Variants in FRMD5 observed in about 807,000 individuals in gnomAD.
The protein encoded by FRMD5 is FERM domain-containing protein 5.
FRMD5 carries 20 observed loss-of-function variants against 69.0 expected under a neutral mutation model. The ratio of observed to expected loss-of-function variants is 0.29; its 90% CI spans 0.20 to 0.42. The LOEUF (loss-of-function observed/expected upper bound fraction) is 0.42. Among genes scored for constraint, FRMD5 ranks in the 10% least tolerant of loss-of-function variants. The pLI is 1.00. For missense variants in FRMD5, 595 were observed against 708.6 expected (o/e 0.84, Z 1.82); for synonymous variants, 271 against 260.1 (o/e 1.04, Z -0.40).
chr15:43,992,470 TG>T (rs1889731051), intron 1 of FRMD5, among the ~76,000 whole-genome samples: 1 of 151,860 alleles, frequency 6.6e-6, no homozygotes. Context: ...CCTCTGCCTC[TG>T]GGTTCAAACA....
rs1218638710 is a variant in FRMD5 at position 43,931,574 on chromosome 15, A to C, written c.103-7265T>G. Among the ~76,000 whole-genome samples, 4 of 151,452 alleles carry C rather than the reference A, an allele frequency of 2.6e-5. No homozygotes were observed. The East Asian group carries it at 7.8e-4, about 29-fold the overall frequency. On this transcript the variant is annotated intron_variant, in intron 1 of 13. Coordinates refer to ENST00000417257, the MANE Select transcript of FRMD5 (RefSeq NM_032892.5). Reference sequence around the variant, plus strand: ...TAAGGACAGTTTGACAACTCATTTTATTGCTGCTTTTTTCTTTTTTTTTTT... The same window carrying C: ...TAAGGACAGTTTGACAACTCATTTTCTTGCTGCTTTTTTCTTTTTTTTTTT...
intron 1 of FRMD5, chr15:43,989,866 G>C: frequency 9.6e-7 from 1 of 1,036,920 alleles, no homozygotes; most frequent in Non-Finnish European, 1.5e-6. Flanking sequence ...GGGGACCTTG[G>C]TCAGCAGCAT....
At chr15:44,127,091 A>C (rs1431980355) in intron 1 of FRMD5, among the ~76,000 whole-genome samples, 1 of 152,172 alleles carries the variant, frequency 6.6e-6, no homozygotes, top group Non-Finnish European at 1.5e-5. Flanking sequence ...CATTTAATAA[A>C]CGTTCTTTTG....
intron 1 of FRMD5, among the ~76,000 whole-genome samples, chr15:43,993,105 G>A (rs911372269): frequency 7.2e-5 from 11 of 151,910 alleles, no homozygotes; most frequent in Admixed American, 2.6e-4. Context: ...TACTTTGGTG[G>A]GCAGAAAAGA....
rs1269561465 is a variant in FRMD5, at chr15:44,141,944, A to C, written c.102+53009T>G. On this transcript the variant is annotated intron_variant, in intron 1 of 13. Coordinates refer to ENST00000417257, the MANE Select transcript of FRMD5 (RefSeq NM_032892.5). ...GGTTTTTTTGTCTTCTCCAAGTGTA[A>C]GGCCTTATTCTTACATCTACTCATT... Among the ~76,000 whole-genome samples the C allele has an allele frequency of 3.3e-5, 5 of 152,242 alleles. No homozygotes were observed. In the East Asian group the frequency reaches 9.7e-4, roughly 29 times the overall value.
intron 1 of FRMD5, among the ~76,000 whole-genome samples, chr15:44,191,131 A>C (rs2078185317): frequency 6.6e-6 from 1 of 152,214 alleles, no homozygotes; most frequent in African/African-American, 2.4e-5. Flanking sequence ...TCTCTCAGTA[A>C]AATCAAATTC....
chr15:43,873,360 TAAAC>T lies in FRMD5; in HGVS notation c.*521_*524del. Reference sequence around the variant, plus strand: ...CTGGCAAAAAAAACAAACAAAAAACTAAACAGTCCCCATTGTCCAGATCCCTGGC... The same window carrying T: ...CTGGCAAAAAAAACAAACAAAAAACTAGTCCCCATTGTCCAGATCCCTGGC... On this transcript the variant is annotated 3_prime_UTR_variant, in exon 14 of 14. Coordinates refer to ENST00000417257, the MANE Select transcript of FRMD5 (RefSeq NM_032892.5). 1 of 1,468,598 alleles carries T rather than the reference TAAAC, an allele frequency of 6.8e-7. No homozygotes were observed. The highest frequency in any genetic ancestry group is 8.9e-7 in the Non-Finnish European group (1 of 1,117,696). 91.0% of individuals were successfully genotyped at this position (1,468,598 alleles called of 1,614,324 possible).
intron 1 of FRMD5, among the ~76,000 whole-genome samples, chr15:44,074,254 T>C (rs994037750): frequency 6.6e-6 from 1 of 152,218 alleles, no homozygotes; most frequent in Non-Finnish European, 1.5e-5. Context: ...TATTTTTATT[T>C]CAAAAAGCTT....
At chr15:44,089,098 GA>G (rs1468036213) in intron 1 of FRMD5, among the ~76,000 whole-genome samples, 1 of 152,194 alleles carries the variant, frequency 6.6e-6, no homozygotes, top group African/African-American at 2.4e-5. Context: ...TTGGCCAGCA[GA>G]CTGATATAAT....
chr15:43,882,366 C>T (rs200075134), intron 13 of FRMD5, among the ~76,000 whole-genome samples: 2 of 148,910 alleles, frequency 1.3e-5, no homozygotes, highest in Non-Finnish European at 3.0e-5. Context: ...AAATTTCTTT[C>T]TTTTTTTTTT....
At chr15:44,062,835 T>C (rs1893149392) in intron 1 of FRMD5, among the ~76,000 whole-genome samples, 1 of 152,124 alleles carries the variant, frequency 6.6e-6, no homozygotes, top group South Asian at 2.1e-4. Context: ...ATTTTTTTTG[T>C]ATAAGGAGTA....
At chr15:43,944,990 A>G (rs2089922069) in intron 1 of FRMD5, among the ~76,000 whole-genome samples, 2 of 142,040 alleles carry the variant, frequency 1.4e-5, no homozygotes, top group Admixed American at 1.4e-4. Flanking sequence ...GGGTTTCACC[A>G]TGCTGCCCAG....
chr15:43,907,648 C>A (rs1215591278), intron 5 of FRMD5, among the ~76,000 whole-genome samples: 2 of 151,990 alleles, frequency 1.3e-5, no homozygotes, highest in Non-Finnish European at 2.9e-5. Flanking sequence ...GCTGGGACTA[C>A]AGGCATGTGC....
chr15:43,874,855 G>A (rs557994463), intron 13 of FRMD5, among the ~76,000 whole-genome samples: 7 of 152,104 alleles, frequency 4.6e-5, no homozygotes, highest in Non-Finnish European at 8.8e-5. Flanking sequence ...AGCTGAGATC[G>A]CACTATTACA....
chr15:43,874,385 C>A lies in FRMD5; in HGVS notation c.1213G>T (p.Val405Leu). The A allele has an allele frequency of 6.2e-7, 1 of 1,614,204 alleles. No homozygotes were observed. Among genetic ancestry groups the A allele is most frequent in the Non-Finnish European group, 8.5e-7 (1 of 1,180,038 alleles). Residue 405 changes from valine to leucine, a missense_variant, in exon 14 of 14, where the codon GTG becomes TTG. By Grantham distance (32) the Val-to-Leu change is conservative. Transcript: ENST00000417257. ...TTGCTATCTGTCCGGCTGCTTCTCACGTGAGGCAGGAAGGTGTCCCCATGG... is the reference window on the plus strand; with the variant it reads ...TTGCTATCTGTCCGGCTGCTTCTCAAGTGAGGCAGGAAGGTGTCCCCATGG... ...TSHGDTFLPHVRSSRTDSNER... is the reference protein window; with the variant it reads ...TSHGDTFLPHLRSSRTDSNER...
intron 1 of FRMD5, among the ~76,000 whole-genome samples, chr15:44,088,627 G>A (rs1402475062): frequency 6.6e-6 from 1 of 152,060 alleles, no homozygotes; most frequent in African/African-American, 2.4e-5. Context: ...GAGGTACTCA[G>A]GACTGAAGTT....
intron 1 of FRMD5, among the ~76,000 whole-genome samples, chr15:44,011,308 G>A (rs1890710386): frequency 6.6e-6 from 1 of 151,448 alleles, no homozygotes; most frequent in Non-Finnish European, 1.5e-5. Flanking sequence ...TAGTAGTGAA[G>A]TTTGTAGCAA....
chr15:43,961,269 T>C (rs955024300), intron 1 of FRMD5, among the ~76,000 whole-genome samples: 1 of 152,122 alleles, frequency 6.6e-6, no homozygotes, highest in Non-Finnish European at 1.5e-5. Flanking sequence ...CAGAATACTA[T>C]AAACACCTCT....
chr15:44,050,428 T>C lies in FRMD5; in HGVS notation c.103-126119A>G, dbSNP rs370935862. 3.3e-4 allele frequency among the ~76,000 whole-genome samples: 49 copies of C among 148,382 alleles called. 1 individual carries two copies. The highest frequency in any genetic ancestry group is 1.2e-3 in the African/African-American group (49 of 40,282). On this transcript the variant is annotated intron_variant, in intron 1 of 13. Coordinates refer to ENST00000417257, the MANE Select transcript of FRMD5 (RefSeq NM_032892.5). ...AGGCTGGAGTGCAGTGGTGTGACCA[T>C]GGCTCACTGCAGCCTTAACCTCCTG...
Sources: allele counts gnomAD v4.1 joint callset (sites outside exome capture counted in the v4.1 genomes callset), GRCh38; gene constraint gnomAD v4.1.1; transcripts MANE v1.5; gene names NCBI Gene and HGNC (gene_info 2026-07-23, HGNC 2026-07-21).